Variants in MGAT5 observed in about 807,000 individuals in gnomAD.
MGAT5 encodes alpha-1,6-mannosylglycoprotein 6-beta-N-acetylglucosaminyltransferase A.
MGAT5 carries 30 observed loss-of-function variants against 94.3 expected under a neutral mutation model. That is an observed-to-expected ratio of 0.32 (90% confidence interval 0.24 to 0.43). The LOEUF is 0.43. MGAT5 is among the 20% of genes least tolerant of loss of function. The pLI is 1.00. For synonymous variants in MGAT5, 310 were observed against 322.9 expected (o/e 0.96, Z 0.43); for missense variants, 691 against 905.5 (o/e 0.76, Z 3.04).
chr2:134,320,979 G>A (rs1409251729), intron 4 of MGAT5, among the ~76,000 whole-genome samples: 5 of 152,150 alleles, frequency 3.3e-5, no homozygotes, highest in East Asian at 3.9e-4. Flanking sequence ...CAGAGCTAAC[G>A]ATAGTTAAAA....
At chr2:134,388,365 A>G (rs1274106015) in intron 10 of MGAT5, among the ~76,000 whole-genome samples, 1 of 152,112 alleles carries the variant, frequency 6.6e-6, no homozygotes, top group Non-Finnish European at 1.5e-5. Context: ...TGTGAAGCAA[A>G]TTCAAGACAT....
intron 1 of MGAT5, among the ~76,000 whole-genome samples, chr2:134,182,543 C>T (rs1047818800): frequency 1.4e-4 from 21 of 152,090 alleles, no homozygotes; most frequent in African/African-American, 4.3e-4. Context: ...ACAGTGCACA[C>T]ATCATTGGTA....
At chr2:134,418,595 A>C (rs181045474) in intron 12 of MGAT5, among the ~76,000 whole-genome samples, 14 of 152,376 alleles carry the variant, frequency 9.2e-5, no homozygotes, top group African/African-American at 2.9e-4. Flanking sequence ...TGAAAGAGTT[A>C]TAGGACAAAT....
chr2:134,335,833 T>C (rs1382342077), intron 4 of MGAT5, among the ~76,000 whole-genome samples: 2 of 152,172 alleles, frequency 1.3e-5, no homozygotes, highest in African/African-American at 4.8e-5. Flanking sequence ...TCCTGTCCAT[T>C]TGCTAAAGGG....
At chr2:134,393,409 A>G (rs769153389) in intron 10 of MGAT5, among the ~76,000 whole-genome samples, 49 of 152,272 alleles carry the variant, frequency 3.2e-4, no homozygotes, top group Middle Eastern at 6.8e-3. Context: ...ACTGCTGGTA[A>G]GAGCTGCCAA....
At chr2:134,261,752 C>G (rs1377223598) in intron 1 of MGAT5, among the ~76,000 whole-genome samples, 4 of 152,140 alleles carry the variant, frequency 2.6e-5, no homozygotes, top group Non-Finnish European at 5.9e-5. Flanking sequence ...TGTTTTGTTC[C>G]CCACTGTGCC....
chr2:134,324,105 T>C (rs1558791021), intron 4 of MGAT5, among the ~76,000 whole-genome samples: 1 of 152,198 alleles, frequency 6.6e-6, no homozygotes, highest in Non-Finnish European at 1.5e-5. Context: ...ACTGGCACTT[T>C]TTTTTCTTTT....
intron 1 of MGAT5, among the ~76,000 whole-genome samples, chr2:134,213,899 G>T (rs1680329960): frequency 6.6e-6 from 1 of 152,084 alleles, no homozygotes; most frequent in Non-Finnish European, 1.5e-5. Context: ...CTTCATGGAG[G>T]CCTCATTATG....
At chr2:134,422,232 T>G (rs1431224520) in intron 12 of MGAT5, among the ~76,000 whole-genome samples, 1 of 152,236 alleles carries the variant, frequency 6.6e-6, no homozygotes, top group Non-Finnish European at 1.5e-5. Flanking sequence ...GACCACATGT[T>G]GTTTTTAAAA....
intron 14 of MGAT5, among the ~76,000 whole-genome samples, chr2:134,429,039 T>C (rs555735676): frequency 8.5e-5 from 13 of 152,312 alleles, no homozygotes; most frequent in Non-Finnish European, 1.8e-4. Flanking sequence ...GCATTTTAAT[T>C]CCTTGGACTT....
At chr2:134,182,779 AGT>A (rs1688801003) in intron 1 of MGAT5, among the ~76,000 whole-genome samples, 1 of 118,324 alleles carries the variant, frequency 8.5e-6, no homozygotes, top group African/African-American at 3.3e-5. Context: ...TTAGAAGATT[AGT>A]TTTTTTTTTT....
chr2:134,236,642 C>G (rs1681652144), intron 1 of MGAT5, among the ~76,000 whole-genome samples: 1 of 152,136 alleles, frequency 6.6e-6, no homozygotes, highest in African/African-American at 2.4e-5. Flanking sequence ...AACTGTGAGT[C>G]AAACCTCTTT....
At chr2:134,439,594 A>T (rs993086109) in intron 14 of MGAT5, among the ~76,000 whole-genome samples, 1 of 152,118 alleles carries the variant, frequency 6.6e-6, no homozygotes, top group Non-Finnish European at 1.5e-5. Flanking sequence ...CTACTGAGGA[A>T]GCTGAGGCAG....
chr2:134,236,671 T>G (rs1201934416), intron 1 of MGAT5, among the ~76,000 whole-genome samples: 1 of 152,130 alleles, frequency 6.6e-6, no homozygotes, highest in African/African-American at 2.4e-5. Flanking sequence ...AATTACCCAG[T>G]CTCGGGTATG....
intron 10 of MGAT5, among the ~76,000 whole-genome samples, chr2:134,386,275 A>G (rs1681966871): frequency 6.6e-6 from 1 of 152,258 alleles, no homozygotes; most frequent in African/African-American, 2.4e-5. Context: ...CAGAGAAGTT[A>G]GAAGAAATGT....
chr2:134,306,245 C>T (rs1001546346), intron 2 of MGAT5, among the ~76,000 whole-genome samples: 1 of 151,966 alleles, frequency 6.6e-6, no homozygotes, highest in African/African-American at 2.4e-5. Flanking sequence ...TATAAACTTA[C>T]AGAAAATGGT....
chr2:134,253,163 C>G (rs1455022962), upstream of MGAT5: 1 of 152,182 alleles, frequency 6.6e-6, no homozygotes, highest in Non-Finnish European at 1.5e-5. Flanking sequence ...GCTTCAAGAT[C>G]CTGCTACCAT....
chr2:134,275,338 A>G (rs2105675907), intron 2 of MGAT5, among the ~76,000 whole-genome samples: 1 of 152,360 alleles, frequency 6.6e-6, no homozygotes, highest in African/African-American at 2.4e-5. Flanking sequence ...CCTTGTCAGA[A>G]GCTATTCTTT....
At chr2:134,226,690 AT>A (rs1681081560) in intron 1 of MGAT5, among the ~76,000 whole-genome samples, 5 of 152,200 alleles carry the variant, frequency 3.3e-5, no homozygotes, top group Admixed American at 3.3e-4. Context: ...CATTTACTTG[AT>A]TTGAGCCCCT....
Sources: allele counts gnomAD v4.1 joint callset (sites outside exome capture counted in the v4.1 genomes callset), GRCh38; gene constraint gnomAD v4.1.1; transcripts MANE v1.5; gene names NCBI Gene and HGNC (gene_info 2026-07-23, HGNC 2026-07-21).